WDR88: variants seen among roughly 807,000 people sequenced by gnomAD.
WDR88 encodes the protein WD repeat-containing protein 88.
A neutral mutation model predicts 46.8 loss-of-function variants in WDR88; 40 were observed. The observed-to-expected ratio is 0.86, with a 90% CI of 0.66 to 1.11. WDR88 has a LOEUF of 1.11. Among genes scored for constraint, WDR88 ranks in the 50% most tolerant of loss-of-function variants. WDR88 has a pLI of 0.00. For synonymous variants in WDR88, 235 were observed against 240.7 expected, an observed-to-expected ratio of 0.98 and a Z score of 0.22; for missense variants, 562 against 602.4, an observed-to-expected ratio of 0.93 and a Z score of 0.70.
Position 33,137,733 on chromosome 19 carries a change from T to A in WDR88, c.333T>A (p.Cys111Ter). 6.2e-7 allele frequency: 1 copy of A among 1,613,986 alleles called. No homozygotes were observed. Among genetic ancestry groups the A allele is most frequent in the South Asian group, 1.1e-5 (1 of 91,062 alleles). Residue 111 changes from cysteine (C) to a stop codon, truncating the protein, a stop_gained, in exon 2 of 11, where the codon TGT (cysteine) becomes TGA (stop). Transcript: ENST00000355868. LOFTEE classifies it high-confidence loss of function. ...ACGCTGTGAGCACCTGCCACTTCTG[T>A]GTGGATGACACAAAGCTCCTCAGTG... ...HEHAVSTCHFCVDDTKLLSGS... is the reference protein window; with the variant it reads ...HEHAVSTCHF
In WDR88 at chr19:33,147,508, C is replaced by T. The variant is rs1029559820; in HGVS notation, c.477-137C>T. 12 of 688,726 alleles carry T rather than the reference C, an allele frequency of 1.7e-5. No individual in the cohort carries two copies. The African/African-American group carries it at 1.8e-4, about 10-fold the overall frequency. 42.7% of individuals were successfully genotyped at this position (688,726 alleles called of 1,614,324 possible). ...ATCTCAGCTACTCAGGAGGCTGTGGCAGGAGGGTCGTTTGAACCTGGGAGG... is the reference window on the plus strand; with the variant it reads ...ATCTCAGCTACTCAGGAGGCTGTGGTAGGAGGGTCGTTTGAACCTGGGAGG... On this transcript the variant is annotated intron_variant, in intron 3 of 10. Coordinates refer to ENST00000355868, the MANE Select transcript of WDR88 (RefSeq NM_173479.4).
At chr19:33,143,082 T>G (rs1388387403) in intron 2 of WDR88, among the ~76,000 whole-genome samples, 1 of 151,656 alleles carries the variant, frequency 6.6e-6, no homozygotes, top group Non-Finnish European at 1.5e-5. Flanking sequence ...GTAATCCCAG[T>G]GCTTTGGGAG....
At position 33,175,617 on chromosome 19, in the gene WDR88, A is replaced by T. The variant is rs367744232; in HGVS notation, c.*45A>T. 6.2e-6 allele frequency: 10 copies of T among 1,608,746 alleles called. No individual in the cohort carries two copies. Among genetic ancestry groups the T allele is most frequent in the Non-Finnish European group, 8.5e-6 (10 of 1,176,814 alleles). On this transcript the variant is annotated 3_prime_UTR_variant, in exon 11 of 11. Transcript: ENST00000355868. ...GTGACTCCAGCACAGGCTACCTAGC[A>T]TGTAGGTTTCGGGGCTTTGCAGGGG...
intron 9 of WDR88, among the ~76,000 whole-genome samples, chr19:33,166,193 G>A (rs575447535): frequency 1.4e-4 from 21 of 150,834 alleles, no homozygotes; most frequent in Admixed American, 1.3e-3. Context: ...TGGGAGGATG[G>A]CTTGAGCCTG....
intron 6 of WDR88, among the ~76,000 whole-genome samples, chr19:33,154,694 G>A (rs1277967805): frequency 6.6e-6 from 1 of 152,206 alleles, no homozygotes; most frequent in Non-Finnish European, 1.5e-5. Context: ...ATAGAAGAAT[G>A]ATTTATAATC....
chr19:33,150,320 C>T (rs1243733503), intron 5 of WDR88, among the ~76,000 whole-genome samples: 2 of 152,052 alleles, frequency 1.3e-5, no homozygotes, highest in Non-Finnish European at 2.9e-5. Context: ...GGCGTGGTGG[C>T]GGGCACCTGT....
At chr19:33,134,147 C>T (rs2145355678) in intron 1 of WDR88, among the ~76,000 whole-genome samples, 1 of 152,276 alleles carries the variant, frequency 6.6e-6, no homozygotes, top group African/African-American at 2.4e-5. Flanking sequence ...TTGGGGACTT[C>T]TCTCTGCAGC....
intron 7 of WDR88, among the ~76,000 whole-genome samples, chr19:33,159,183 A>T (rs1246587965): frequency 6.6e-6 from 1 of 151,772 alleles, no homozygotes; most frequent in Non-Finnish European, 1.5e-5. Context: ...CAAAAAAAAA[A>T]AATTTAGCCA....
rs534012684 is a variant in WDR88, at chr19:33,141,103, A to AT, written c.387+3323dup. On this transcript the variant is annotated intron_variant, in intron 2 of 10. Coordinates refer to ENST00000355868, the MANE Select transcript of WDR88 (RefSeq NM_173479.4). ...AGGCACACACCACCATGCCTGGCTA[A>AT]TTTTTTTGTTTTTCGTAGAGACAGG... is the stretch of plus-strand genomic sequence containing the variant. 7.3e-3 allele frequency among the ~76,000 whole-genome samples: 1,102 copies of AT among 150,964 alleles called. 9 individuals carry two copies. Among genetic ancestry groups the AT allele is most frequent in the Non-Finnish European group, 0.012 (820 of 67,806 alleles).
intron 3 of WDR88, 129 bp downstream of exon 3, chr19:33,145,061 G>A: frequency 1.1e-6 from 1 of 871,888 alleles, no homozygotes; most frequent in Non-Finnish European, 1.8e-6. Flanking sequence ...GGCCTAAGCT[G>A]GTCTCGAACC....
intron 8 of WDR88, 52 bp downstream of exon 8, chr19:33,160,548 T>G: frequency 6.3e-7 from 1 of 1,591,912 alleles, no homozygotes; most frequent in Non-Finnish European, 8.6e-7. Context: ...CCCGAGTCCT[T>G]CCTGTGCTCA....
chr19:33,134,987 T>TTCCCCC (rs752439349), intron 1 of WDR88, among the ~76,000 whole-genome samples: 215 of 143,896 alleles, frequency 1.5e-3, no homozygotes, highest in Admixed American at 2.0e-3. Flanking sequence ...CCTCCAACAT[T>TTCCCCC]TCCCCCACCC....
At position 33,156,543 on chromosome 19, in the gene WDR88, G is replaced by C. The variant is rs753080591; in HGVS notation, c.997+1G>C. 3 of 1,611,796 alleles carry C rather than the reference G, an allele frequency of 1.9e-6. No individual in the cohort carries two copies. Among genetic ancestry groups the C allele is most frequent in the Middle Eastern group, 1.7e-4 (1 of 5,946 alleles). On this transcript the variant is annotated splice_donor_variant, in intron 7 of 10. Coordinates refer to ENST00000355868, the MANE Select transcript of WDR88 (RefSeq NM_173479.4). LOFTEE classifies it high-confidence loss of function. ...AGTTCCTGTCACTTTGCCAGAGACA[G>C]TGAGTAATTAACATGCAGAAGGCCT...
intron 9 of WDR88, among the ~76,000 whole-genome samples, chr19:33,167,046 AG>A (rs1351678743): frequency 6.6e-6 from 1 of 152,246 alleles, no homozygotes; most frequent in Non-Finnish European, 1.5e-5. Context: ...TTTAATGTAA[AG>A]CAGTGACTTC....
intron 1 of WDR88, among the ~76,000 whole-genome samples, chr19:33,132,791 T>C (rs1243962240): frequency 6.6e-6 from 1 of 152,076 alleles, no homozygotes; most frequent in Non-Finnish European, 1.5e-5. Context: ...AGCCCAAGGG[T>C]CGGTGGCTCA....
intron 6 of WDR88, among the ~76,000 whole-genome samples, chr19:33,154,337 A>C (rs565022029): frequency 3.6e-4 from 55 of 152,146 alleles, no homozygotes; most frequent in African/African-American, 1.2e-3. Context: ...TAAGCCCCGC[A>C]TGTGTTAGGT....
At chr19:33,158,097 G>A (rs1973796793) in intron 7 of WDR88, among the ~76,000 whole-genome samples, 1 of 152,094 alleles carries the variant, frequency 6.6e-6, no homozygotes, top group East Asian at 1.9e-4. Context: ...AGCCACCGCG[G>A]CTAGCCAGCT....
chr19:33,162,917 G>A (rs891128725), intron 8 of WDR88, among the ~76,000 whole-genome samples: 17 of 151,918 alleles, frequency 1.1e-4, no homozygotes, highest in Non-Finnish European at 1.5e-5. Context: ...TATAGAATGG[G>A]TAGGGCGCAG....
intron 2 of WDR88, chr19:33,142,718 G>GA (rs1973422984): frequency 6.6e-6 from 1 of 151,704 alleles, no homozygotes; most frequent in Admixed American, 6.6e-5. Context: ...CTCAAAAGGG[G>GA]AAAGAAGGGC....
Sources: gnomAD v4.1 joint callset for allele counts (sites outside exome capture counted in the v4.1 genomes callset) on GRCh38, gnomAD v4.1.1 for gene constraint, MANE v1.5 for transcripts, NCBI Gene and HGNC (gene_info 2026-07-23, HGNC 2026-07-21) for gene names.